The following ZFP64 variants were observed in gnomAD, a reference collection of about 807,000 sequenced individuals.
ZFP64 encodes the protein zinc finger protein 64.
In ZFP64, 14 loss-of-function variants were observed where a neutral mutation model predicts 51.6. The observed-to-expected ratio is 0.27, with a 90% CI of 0.18 to 0.42. The LOEUF (loss-of-function observed/expected upper bound fraction) is 0.42. ZFP64 is among the 10% of genes least tolerant of loss of function. ZFP64 has a pLI of 1.00. For synonymous variants in ZFP64, 375 were observed against 361.4 expected, an observed-to-expected ratio of 1.04 and a Z score of -0.43; for missense variants, 754 against 906.8, an observed-to-expected ratio of 0.83 and a Z score of 2.16.
At chr20:52,113,403 T>C (rs981362817) in intron 5 of ZFP64, among the ~76,000 whole-genome samples, 2 of 150,484 alleles carry the variant, frequency 1.3e-5, no homozygotes, top group Non-Finnish European at 3.0e-5. Context: ...TCATTACCCT[T>C]GTACCCTTGC....
rs560036608 is a variant in ZFP64 at position 52,182,014 on chromosome 20, C to T, written c.286+4818G>A. 2.0e-3 allele frequency among the ~76,000 whole-genome samples: 304 copies of T among 152,332 alleles called. 1 individual carries two copies. The highest frequency in any genetic ancestry group is 7.1e-3 in the African/African-American group (296 of 41,580). On this transcript the variant is annotated intron_variant, in intron 2 of 5. Transcript: ENST00000216923. ...CAAGCTGCAGATCTCACCATCCTTT[C>T]GCCACCTGTTTATTAGACTCTACAT...
chr20:52,145,630 C>T (rs952643883), intron 5 of ZFP64, among the ~76,000 whole-genome samples: 3 of 152,226 alleles, frequency 2.0e-5, no homozygotes, highest in Admixed American at 1.3e-4. Flanking sequence ...TAGAGTAATA[C>T]CCTTTCTCAA....
chr20:52,110,658 C>A, intron 5 of ZFP64: 2 of 1,367,074 alleles, frequency 1.5e-6, no homozygotes, highest in Non-Finnish European at 2.0e-6. Context: ...AGCTGGCCAC[C>A]AGGCCACCTG....
chr20:52,172,133 C>T (rs1982795193), intron 2 of ZFP64, among the ~76,000 whole-genome samples: 1 of 151,890 alleles, frequency 6.6e-6, no homozygotes, highest in Admixed American at 6.6e-5. Flanking sequence ...GACCTTGGAC[C>T]AACCTGGGTG....
At chr20:52,098,172 C>A (rs1273965952) in intron 6 of ZFP64, among the ~76,000 whole-genome samples, 177 of 123,972 alleles carry the variant, frequency 1.4e-3, no homozygotes, top group South Asian at 2.6e-3. Context: ...AAACTGTCTC[C>A]AAAAAAAAAA....
chr20:52,095,226 CA>C (rs1377760851), intron 7 of ZFP64, among the ~76,000 whole-genome samples: 1 of 152,166 alleles, frequency 6.6e-6, no homozygotes, highest in Non-Finnish European at 1.5e-5. Context: ...TTCCTTTTCC[CA>C]GCCTTCATTT....
intron 2 of ZFP64, chr20:52,175,864 G>GCCCCC: frequency 5.4e-5 from 14 of 256,906 alleles, no homozygotes; most frequent in Non-Finnish European, 7.3e-5. Context: ...CCCCGCTGCC[G>GCCCCC]CCCCCGCCCC....
At chr20:52,139,842 TGA>T (rs1980166413) in intron 5 of ZFP64, among the ~76,000 whole-genome samples, 1 of 143,222 alleles carries the variant, frequency 7.0e-6, no homozygotes, top group Non-Finnish European at 1.5e-5. Context: ...TTGCGGGCGC[TGA>T]GTTGTTTTTT....
intron 7 of ZFP64, among the ~76,000 whole-genome samples, chr20:52,090,156 G>A (rs1365909071): frequency 2.0e-5 from 3 of 152,180 alleles, no homozygotes; most frequent in African/African-American, 7.2e-5. Flanking sequence ...TTATTTAGAA[G>A]CAGGGTGGTC....
At chr20:52,169,328 G>A (rs1007540266) in intron 2 of ZFP64, among the ~76,000 whole-genome samples, 3 of 152,208 alleles carry the variant, frequency 2.0e-5, no homozygotes, top group African/African-American at 7.2e-5. Context: ...TTGCCTTGTA[G>A]TGGAGTTTCT....
chr20:52,113,768 T>C (rs916372300), intron 5 of ZFP64, among the ~76,000 whole-genome samples: 1 of 152,064 alleles, frequency 6.6e-6, no homozygotes, highest in African/African-American at 2.4e-5. Flanking sequence ...CCCACTTTAT[T>C]GCCTGCCTCT....
chr20:52,096,895 AAAAAC>A (rs2078994664), intron 7 of ZFP64: 1 of 355,604 alleles, frequency 2.8e-6, no homozygotes, highest in Non-Finnish European at 5.6e-6. Context: ...TCTCAGAGAA[AAAAAC>A]AAAACAAAAA....
At chr20:52,133,956 G>C (rs62216901) in intron 5 of ZFP64, among the ~76,000 whole-genome samples, 24,718 of 150,844 alleles carry the variant, frequency 0.16, 2,201 homozygotes, top group Non-Finnish European at 0.2. Context: ...CTGAGCCCGG[G>C]AGGTGGAGGT....
intron 5 of ZFP64, chr20:52,110,322 T>C (rs1233888105): frequency 8.6e-6 from 4 of 467,396 alleles, no homozygotes; most frequent in African/African-American, 6.0e-5. Flanking sequence ...TACCAAACCC[T>C]GGAAAACCAT....
chr20:52,188,259 G>A (rs1024794762), intron 1 of ZFP64, among the ~76,000 whole-genome samples: 6 of 145,534 alleles, frequency 4.1e-5, no homozygotes, highest in East Asian at 2.0e-4. Context: ...TCTGCTACTT[G>A]TAGCCAAAAT....
chr20:52,179,147 C>G (rs1445942228), intron 2 of ZFP64, among the ~76,000 whole-genome samples: 2 of 152,104 alleles, frequency 1.3e-5, no homozygotes, highest in African/African-American at 4.8e-5. Context: ...CTTATGAGAG[C>G]TGATGGTTTT....
chr20:52,171,004 G>C lies in ZFP64; in HGVS notation c.287-4979C>G, dbSNP rs183034362. On this transcript the variant is annotated intron_variant, in intron 2 of 5. Transcript: ENST00000216923. ...AGTAGGTCCAGGAAGGCCTCAGTGA[G>C]AAGGTAACATTTGAATATAAAACAT... is the stretch of plus-strand genomic sequence containing the variant. 3.5e-3 allele frequency among the ~76,000 whole-genome samples: 537 copies of C among 152,344 alleles called. 1 individual carries two copies. Among genetic ancestry groups the C allele is most frequent in the Non-Finnish European group, 6.2e-3 (424 of 68,042 alleles).
intron 5 of ZFP64, among the ~76,000 whole-genome samples, chr20:52,103,430 G>T (rs928094442): frequency 2.0e-5 from 3 of 152,142 alleles, no homozygotes; most frequent in African/African-American, 7.2e-5. Flanking sequence ...TTTTTTCTCC[G>T]AAGTGGTGGC....
chr20:52,085,021 C>A lies in ZFP64; in HGVS notation c.1474G>T (p.Asp492Tyr). 6.2e-7 allele frequency: 1 copy of A among 1,614,050 alleles called. No homozygotes were observed. Among genetic ancestry groups the A allele is most frequent in the Non-Finnish European group, 8.5e-7 (1 of 1,180,006 alleles). Reference sequence around the variant, plus strand: ...CACTCTGGACACTTCTCCGGGTGGTCGGCCTGGTGCAGCCGGCTGTGCTCC... The same window carrying A: ...CACTCTGGACACTTCTCCGGGTGGTAGGCCTGGTGCAGCCGGCTGTGCTCC... The change falls in exon 9 of 9, where the codon GAC becomes TAC. Residue 492 changes from aspartate (D) to tyrosine (Y), a missense_variant. Transcript: ENST00000361387. This position sits in a 1 kb window ranked among gnomAD's most constrained non-coding sequence, Gnocchi z 4.3.
Sources: allele counts gnomAD v4.1 joint callset (sites outside exome capture counted in the v4.1 genomes callset), GRCh38; gene constraint gnomAD v4.1.1; non-coding constraint Gnocchi (gnomAD v3.1); transcripts MANE v1.5; gene names NCBI Gene and HGNC (gene_info 2026-07-23, HGNC 2026-07-21).